SUGCT: variants seen among roughly 807,000 people sequenced by gnomAD.
SUGCT encodes succinyl-CoA:glutarate-CoA transferase, also known as succinyl-CoA:glutarate CoA-transferase.
A neutral mutation model predicts 55.0 loss-of-function variants in SUGCT; 41 were observed. The observed-to-expected ratio is 0.74, with a 90% CI of 0.58 to 0.97. The LOEUF (loss-of-function observed/expected upper bound fraction) is 0.97. Among genes scored for constraint, SUGCT ranks in the 50% least tolerant of loss-of-function variants. The pLI, the probability that SUGCT is intolerant of heterozygous loss-of-function variation, is 0.00. For synonymous variants in SUGCT, 187 were observed against 200.4 expected (o/e 0.93, Z 0.56); for missense variants, 568 against 547.8 (o/e 1.04, Z -0.37).
chr7:40,722,440 C>T (rs965110080), intron 12 of SUGCT, among the ~76,000 whole-genome samples: 4 of 152,112 alleles, frequency 2.6e-5, no homozygotes, highest in Non-Finnish European at 2.9e-5. Context: ...CGATATAGTT[C>T]ATTTAAATGC....
At position 40,245,436 on chromosome 7, in the gene SUGCT, T is replaced by TAA. The variant is rs1378144967; in HGVS notation, c.576+7710_576+7711insAA. On this transcript the variant is annotated intron_variant, in intron 7 of 13. Coordinates refer to ENST00000335693, the MANE Select transcript of SUGCT (RefSeq NM_001193313.2). The stretch of plus-strand genomic sequence containing the variant: ...ATATATATATATATTTTTTTTTTTT[T>TAA]TTTTTTTTTTTTTTTTTTTTTGAGA... Among the ~76,000 whole-genome samples, 7 of 75,446 alleles carry TAA rather than the reference T, an allele frequency of 9.3e-5. 1 individual carries two copies. Among genetic ancestry groups the TAA allele is most frequent in the Non-Finnish European group, 1.7e-4 (7 of 41,612 alleles). 49.5% of individuals were successfully genotyped at this position (75,446 alleles called of 152,430 possible).
At chr7:40,342,941 C>T (rs1344553339) in intron 9 of SUGCT, among the ~76,000 whole-genome samples, 1 of 152,200 alleles carries the variant, frequency 6.6e-6, no homozygotes, top group South Asian at 2.1e-4. Context: ...CTGCGTCTGG[C>T]TTGTCTCCAA....
chr7:40,979,411 C>T, the SUGCT span: 1 of 152,244 alleles, frequency 6.6e-6, no homozygotes, highest in South Asian at 2.1e-4. Flanking sequence ...GCATTTTTCT[C>T]CAAGTGCTCT....
chr7:41,032,441 C>G, the SUGCT span, among the ~76,000 whole-genome samples: 783 of 151,852 alleles, frequency 5.2e-3, 19 homozygotes, highest in Non-Finnish European at 1.5e-3. Flanking sequence ...TTTCCTGATA[C>G]GAAGGTATCC....
At chr7:40,554,320 G>C (rs1423782945) in intron 12 of SUGCT, among the ~76,000 whole-genome samples, 1 of 152,200 alleles carries the variant, frequency 6.6e-6, no homozygotes, top group African/African-American at 2.4e-5. Context: ...GATCTGGAGA[G>C]TTTAGTGGCA....
intron 12 of SUGCT, among the ~76,000 whole-genome samples, chr7:40,504,137 T>A (rs1792455254): frequency 6.6e-6 from 1 of 152,224 alleles, no homozygotes; most frequent in East Asian, 1.9e-4. Context: ...AAGGTACTTA[T>A]AACATGAGTA....
intron 12 of SUGCT, among the ~76,000 whole-genome samples, chr7:40,633,431 C>G (rs762112882): frequency 6.6e-5 from 10 of 152,158 alleles, no homozygotes; most frequent in Non-Finnish European, 1.3e-4. Flanking sequence ...GCTGACTTGA[C>G]TCAGGATTTC....
downstream of SUGCT, among the ~76,000 whole-genome samples, chr7:40,864,666 C>T (rs1794549276): frequency 6.6e-6 from 1 of 151,360 alleles, no homozygotes; most frequent in African/African-American, 2.4e-5. Flanking sequence ...AAAACAAGTA[C>T]AAAAAAGGAG....
intron 12 of SUGCT, among the ~76,000 whole-genome samples, chr7:40,521,964 A>G (rs1793555649): frequency 6.6e-6 from 1 of 152,098 alleles, no homozygotes; most frequent in Admixed American, 6.6e-5. Context: ...ACTCTTCTAT[A>G]TTCTGTTTTG....
intron 8 of SUGCT, among the ~76,000 whole-genome samples, chr7:40,290,350 C>T (rs552881529): frequency 2.0e-5 from 3 of 152,110 alleles, no homozygotes; most frequent in African/African-American, 7.2e-5. Flanking sequence ...GAAATAATGC[C>T]ACATATCTAC....
the SUGCT span, among the ~76,000 whole-genome samples, chr7:40,978,312 G>C: frequency 6.6e-6 from 1 of 152,224 alleles, no homozygotes; most frequent in African/African-American, 2.4e-5. Context: ...TCAGGCAGGG[G>C]TTGCTCTCCA....
intron 12 of SUGCT, among the ~76,000 whole-genome samples, chr7:40,719,049 C>G (rs914710646): frequency 6.6e-6 from 1 of 152,174 alleles, no homozygotes; most frequent in African/African-American, 2.4e-5. Flanking sequence ...TTTTTCATAT[C>G]TCTTCATTGT....
chr7:40,669,279 C>T (rs973975964), intron 12 of SUGCT, among the ~76,000 whole-genome samples: 9 of 146,238 alleles, frequency 6.2e-5, no homozygotes, highest in African/African-American at 2.3e-4. Flanking sequence ...TAGATGAAGC[C>T]AGCTAAAACA....
Position 40,153,107 on chromosome 7 carries a change from CAAACAGATG to C in SUGCT, c.100+17991_100+17999del, listed in dbSNP as rs1788668256. 3.0e-5 allele frequency: 6 copies of C among 199,926 alleles called. No homozygotes were observed. In the South Asian group the frequency reaches 4.9e-4, roughly 16 times the overall value. 12.4% of individuals were successfully genotyped at this position (199,926 alleles called of 1,614,324 possible). A position where few individuals can be genotyped will look rare whatever the true frequency, so the allele number is the denominator to read the frequency against. On this transcript the variant is annotated intron_variant, in intron 1 of 13. Coordinates refer to ENST00000335693, the MANE Select transcript of SUGCT (RefSeq NM_001193313.2). ...GAAGGTTCATGATGGACAAGAAGTC[CAAACAGATG>C]AAAGAGATGTTAAAAAAAAGAGTTC...
chr7:40,230,990 C>A (rs941733313), intron 6 of SUGCT, among the ~76,000 whole-genome samples: 2 of 152,156 alleles, frequency 1.3e-5, no homozygotes, highest in African/African-American at 4.8e-5. Context: ...GTCTAATACA[C>A]AATAACTTGA....
intron 9 of SUGCT, among the ~76,000 whole-genome samples, chr7:40,435,949 T>TC (rs71000122): frequency 8.5e-5 from 12 of 142,000 alleles, no homozygotes; most frequent in African/African-American, 1.3e-4. Context: ...TCTTTTCTTT[T>TC]TTTTTTTTTT....
In SUGCT at chr7:40,189,536, AT is replaced by A; in HGVS notation, c.313-3del. Reference sequence around the variant, plus strand: ...ATAATATATATATATATATTTTTTAATTTTTAGAGTATTGCTGTTAATATCA... The same window carrying A: ...ATAATATATATATATATATTTTTTAATTTTAGAGTATTGCTGTTAATATCA... On this transcript the variant is annotated splice_polypyrimidine_tract_variant and splice_region_variant and intron_variant, in intron 4 of 13. Transcript: ENST00000335693. 1 of 1,123,286 alleles carries A rather than the reference AT, an allele frequency of 8.9e-7. No homozygotes were observed. Among genetic ancestry groups the A allele is most frequent in the Non-Finnish European group, 1.2e-6 (1 of 859,428 alleles). 69.6% of individuals were successfully genotyped at this position (1,123,286 alleles called of 1,614,324 possible).
intron 6 of SUGCT, among the ~76,000 whole-genome samples, chr7:40,227,203 C>A (rs1788428123): frequency 6.6e-6 from 1 of 151,696 alleles, no homozygotes; most frequent in Non-Finnish European, 1.5e-5. Flanking sequence ...CCCGCCACCA[C>A]GCCTGGCTAA....
At chr7:40,271,809 T>C (rs1792036323) in intron 7 of SUGCT, among the ~76,000 whole-genome samples, 1 of 151,964 alleles carries the variant, frequency 6.6e-6, no homozygotes, top group South Asian at 2.1e-4. Flanking sequence ...TTGTACCCAC[T>C]AATCAACCTC....
Sources: gnomAD v4.1 joint callset for allele counts (sites outside exome capture counted in the v4.1 genomes callset) on GRCh38, gnomAD v4.1.1 for gene constraint, MANE v1.5 for transcripts, NCBI Gene and HGNC (gene_info 2026-07-23, HGNC 2026-07-21) for gene names.